Variants in BTF3L4 observed in about 807,000 individuals in gnomAD.
BTF3L4 encodes the protein basic transcription factor 3 like 4.
Under a neutral mutation model 16.8 loss-of-function variants are expected in BTF3L4, and 6 were observed. The observed-to-expected ratio is 0.36, with a 90% CI of 0.20 to 0.71. The LOEUF (loss-of-function observed/expected upper bound fraction) is 0.71. BTF3L4 is among the 30% of genes least tolerant of loss of function. BTF3L4 has a pLI of 0.58. For synonymous variants in BTF3L4, 39 were observed against 59.8 expected (o/e 0.65, Z 1.60); for missense variants, 92 against 186.9 (o/e 0.49, Z 2.96).
chr1:52,057,332 T>A (rs1686394420), intron 1 of BTF3L4, among the ~76,000 whole-genome samples: 1 of 152,236 alleles, frequency 6.6e-6, no homozygotes, highest in African/African-American at 2.4e-5. Flanking sequence ...ATAAACCTGT[T>A]TACACCCTTT....
At chr1:52,061,146 G>A (rs139616289) in intron 2 of BTF3L4, among the ~76,000 whole-genome samples, 1 of 152,252 alleles carries the variant, frequency 6.6e-6, no homozygotes, top group African/African-American at 2.4e-5. Context: ...AGTTATCACT[G>A]AGCTCTTGTT....
intron 1 of BTF3L4, among the ~76,000 whole-genome samples, chr1:52,057,201 T>C (rs529314678): frequency 6.6e-6 from 1 of 152,352 alleles, no homozygotes; most frequent in East Asian, 1.9e-4. Flanking sequence ...GTGCTTGTCT[T>C]AGAGAAACCC....
Sources: gnomAD v4.1 joint callset for allele counts (sites outside exome capture counted in the v4.1 genomes callset) on GRCh38, gnomAD v4.1.1 for gene constraint, MANE v1.5 for transcripts, NCBI Gene and HGNC (gene_info 2026-07-23, HGNC 2026-07-21) for gene names.